CYP26C1: variants seen among roughly 807,000 people sequenced by gnomAD.
CYP26C1 encodes the protein cytochrome P450 26C1.
In CYP26C1, 41 loss-of-function variants were observed where a neutral mutation model predicts 39.1. That is an observed-to-expected ratio of 1.05 (90% confidence interval 0.82 to 1.36). The LOEUF is 1.36. Ranked by LOEUF, CYP26C1 falls within the 40% of genes most tolerant of loss-of-function variation. The pLI is 0.00. For missense variants in CYP26C1, 833 were observed against 752.0 expected (o/e 1.11, Z -1.26); for synonymous variants, 362 against 350.8 (o/e 1.03, Z -0.36).
intron 4 of CYP26C1, chr10:93,064,752 G>A (rs1032060725): frequency 7.8e-7 from 1 of 1,280,292 alleles, no homozygotes; most frequent in African/African-American, 1.5e-5. Context: ...TTGTCAGTAG[G>A]AGAACTGAAG....
chr10:93,066,428 C>G (rs1846830448), intron 5 of CYP26C1, 143 bp downstream of exon 5: 2 of 773,490 alleles, frequency 2.6e-6, no homozygotes, highest in Non-Finnish European at 3.5e-6. Context: ...GCCCTCAGAG[C>G]CTCAGCCTTC....
chr10:93,061,276 G>T lies in CYP26C1; in HGVS notation c.13G>T (p.Gly5Trp). 6.3e-7 allele frequency: 1 copy of T among 1,585,162 alleles called. No individual in the cohort carries two copies. The highest frequency in any genetic ancestry group is 8.6e-7 in the Non-Finnish European group (1 of 1,167,582). ...CCGCGGGCTCATCATGTTCCCTTGG[G>T]GGCTGAGCTGCCTGTCAGTGCTGGG... is the stretch of plus-strand genomic sequence containing the variant. MFPW[G>W]LSCLSVLGAA... Residue 5 changes from glycine to tryptophan, a missense_variant, in exon 1 of 6, where the codon GGG becomes TGG. By Grantham distance (184) the Gly-to-Trp change is radical (BLOSUM62 -2). Transcript: ENST00000651965.
chr10:93,061,461 A>G lies in CYP26C1; in HGVS notation c.198A>G (p.Leu66=). The G allele has an allele frequency of 1.3e-6, 2 of 1,550,338 alleles. No individual in the cohort carries two copies. The highest frequency in any genetic ancestry group is 1.7e-6 in the Non-Finnish European group (2 of 1,147,510). ...WPFFGETLHW[L]VQGSRFHSSR... ...TCTTCGGCGAAACGCTGCACTGGTT[A>G]GTTCAGGTGAGCAGTCCTTCGACCC... Residue 66 remains leucine, a synonymous_variant, in exon 1 of 6, where the codon TTA becomes TTG. Coordinates refer to ENST00000651965, the MANE Select transcript of CYP26C1 (RefSeq NM_183374.3).
rs1419619774 is a variant in CYP26C1 at position 93,068,746 on chromosome 10, G to A, written c.*49G>A. ...CTTGGCCGGTGGCTATGGCGCGCAC[G>A]CAGCGCCACCCATCTGCCGCTCCCC... On this transcript the variant is annotated 3_prime_UTR_variant, in exon 6 of 6. Coordinates refer to ENST00000651965, the MANE Select transcript of CYP26C1 (RefSeq NM_183374.3). The A allele has an allele frequency of 6.8e-7, 1 of 1,463,480 alleles. No homozygotes were observed. The highest frequency in any genetic ancestry group is 9.0e-7 in the Non-Finnish European group (1 of 1,109,084). The allele number at this position is 1,463,480 out of a possible 1,614,324, so 90.7% of individuals were successfully genotyped here.
chr10:93,066,480 TCCCCCG>T (rs1286635586), intron 5 of CYP26C1, among the ~76,000 whole-genome samples, 195 bp downstream of exon 5: 1 of 151,970 alleles, frequency 6.6e-6, no homozygotes, highest in Non-Finnish European at 1.5e-5. Flanking sequence ...CCTCCCCGGA[TCCCCCG>T]CTGAGGGACG....
At position 93,061,541 on chromosome 10, in the gene CYP26C1, T is replaced by TGGCTA. The variant is rs1343345188; in HGVS notation, c.204+74_204+75insGGCTA. 1.3e-5 allele frequency: 19 copies of TGGCTA among 1,502,704 alleles called. No homozygotes were observed. The Admixed American group carries it at 3.7e-4, about 29-fold the overall frequency. The allele number at this position is 1,502,704 out of a possible 1,614,324, so 93.1% of individuals were successfully genotyped here. Reference sequence around the variant, plus strand: ...GGCTCCCACTGGACCCTCCTCAGTCTCAATGCCCATGGGATTTGTAGCCAG... The same window carrying TGGCTA: ...GGCTCCCACTGGACCCTCCTCAGTCTGGCTACAATGCCCATGGGATTTGTAGCCAG... On this transcript the variant is annotated intron_variant, in intron 1 of 5. Transcript: ENST00000651965.
At chr10:93,063,242 G>A in intron 3 of CYP26C1, 6 of 1,242,688 alleles carry the variant, frequency 4.8e-6, no homozygotes, top group Admixed American at 4.3e-5. Flanking sequence ...CGCCTGCCGC[G>A]ACGCGCTCCA....
In CYP26C1 at chr10:93,068,398, C is replaced by A; in HGVS notation, c.1270C>A (p.Pro424Thr). 1 of 1,607,506 alleles carries A rather than the reference C, an allele frequency of 6.2e-7. No homozygotes were observed. Among genetic ancestry groups the A allele is most frequent in the South Asian group, 1.1e-5 (1 of 90,522 alleles). The part of the protein sequence containing the change: ...THETAAVYRS[P>T]PEGFDPERFG... The stretch of plus-strand genomic sequence containing the variant: ...CGAGACGGCTGCGGTGTACCGCAGC[C>A]CTCCCGAAGGCTTCGATCCAGAGCG... Residue 424 changes from proline (P) to threonine (T), a missense_variant, in exon 6 of 6, where the codon CCT (proline) becomes ACT (threonine). By Grantham distance (38) the Pro-to-Thr change is conservative. Coordinates refer to ENST00000651965, the MANE Select transcript of CYP26C1 (RefSeq NM_183374.3).
At chr10:93,067,202 C>T (rs1048342557) in intron 5 of CYP26C1, among the ~76,000 whole-genome samples, 3 of 152,228 alleles carry the variant, frequency 2.0e-5, no homozygotes, top group Non-Finnish European at 4.4e-5. Context: ...AGGAAGGGGG[C>T]CGGGACTGAC....
At chr10:93,061,575 C>T (rs1564950926) in intron 1 of CYP26C1, 108 bp downstream of exon 1, 1 of 1,373,304 alleles carries the variant, frequency 7.3e-7, no homozygotes, top group Non-Finnish European at 1.0e-6. Flanking sequence ...AGTCCCTGCC[C>T]ATCGCCCACG....
intron 4 of CYP26C1, 98 bp downstream of exon 4, chr10:93,064,634 A>G: frequency 1.3e-6 from 2 of 1,512,140 alleles, no homozygotes; most frequent in East Asian, 2.3e-5. Context: ...GTGTGGCCCC[A>G]CTTTGAGGCA....
chr10:93,062,812 G>A lies in CYP26C1; in HGVS notation c.522G>A (p.Ala174=), dbSNP rs1408332340. ...GGCATGAGGTGCGCTCCTGGTGCGC[G>A]GCGGGCGGGCCGGTCTCAGTCTACG... ...ALRHEVRSWC[A]AGGPVSVYDA... is the part of the protein sequence containing the mutation. Residue 174 remains alanine, a synonymous_variant, in exon 3 of 6, where the codon GCG becomes GCA. Coordinates refer to ENST00000651965, the MANE Select transcript of CYP26C1 (RefSeq NM_183374.3). 6.4e-7 allele frequency: 1 copy of A among 1,556,718 alleles called. No individual in the cohort carries two copies. Among genetic ancestry groups the A allele is most frequent in the Non-Finnish European group, 8.6e-7 (1 of 1,157,846 alleles).
At chr10:93,064,150 T>C in intron 3 of CYP26C1, 1 of 1,296,664 alleles carries the variant, frequency 7.7e-7, no homozygotes, top group Non-Finnish European at 1.0e-6. Flanking sequence ...GTAACTCTGC[T>C]GTGGCTCAGA....
At chr10:93,063,628 C>T in intron 3 of CYP26C1, 1 of 985,530 alleles carries the variant, frequency 1.0e-6, no homozygotes, top group Non-Finnish European at 1.2e-6. Context: ...GGTTTTCAGT[C>T]ACCTGCATAA....
In CYP26C1 at chr10:93,068,367, C is replaced by A; in HGVS notation, c.1239C>A (p.Asp413Glu). ...KGWSVMYSIRDTHETAAVYRS... is the reference protein window; with the variant it reads ...KGWSVMYSIRETHETAAVYRS... ...GGAGCGTGATGTATAGCATCCGGGA[C>A]ACGCACGAGACGGCTGCGGTGTACC... is the stretch of plus-strand genomic sequence containing the variant. The change falls in exon 6 of 6, where the codon GAC (aspartate) becomes GAA (glutamate). Residue 413 changes from aspartate (D) to glutamate (E), a missense_variant. Physicochemically the swap from Asp to Glu is conservative, Grantham distance 45. Coordinates refer to ENST00000651965, the MANE Select transcript of CYP26C1 (RefSeq NM_183374.3). 6.4e-7 allele frequency: 1 copy of A among 1,570,202 alleles called. No homozygotes were observed. Among genetic ancestry groups the A allele is most frequent in the South Asian group, 1.2e-5 (1 of 84,852 alleles).
chr10:93,062,384 C>A (rs962235551), intron 2 of CYP26C1, 150 bp downstream of exon 2: 1 of 758,010 alleles, frequency 1.3e-6, no homozygotes, highest in Non-Finnish European at 2.1e-6. Context: ...GGGTCCGTTA[C>A]CTTCAGCTTC....
intron 1 of CYP26C1, 144 bp from the exon 2 acceptor site, chr10:93,061,866 G>C: frequency 1.3e-6 from 1 of 745,026 alleles, no homozygotes; most frequent in Non-Finnish European, 2.2e-6. Context: ...CCGTAGAGTA[G>C]ATACCAGGCC....
Position 93,066,121 on chromosome 10 carries a change from G to T in CYP26C1, c.1027G>T (p.Gly343Trp). ...RACGCAPGAA[G>W]GSEGPPPDCG... ...GTGCGGCTGCGCGCCCGGGGCCGCT[G>T]GGGGCAGCGAGGGGCCCCCGCCCGA... The change falls in exon 5 of 6, where the codon GGG becomes TGG. Residue 343 changes from glycine to tryptophan, a missense_variant. By Grantham distance (184) the Gly-to-Trp change is radical. Coordinates refer to ENST00000651965, the MANE Select transcript of CYP26C1 (RefSeq NM_183374.3). The T allele has an allele frequency of 7.5e-7, 1 of 1,328,382 alleles. No homozygotes were observed. The highest frequency in any genetic ancestry group is 3.1e-5 in the East Asian group (1 of 32,504). The allele number at this position is 1,328,382 out of a possible 1,614,324, so 82.3% of individuals were successfully genotyped here.
chr10:93,063,223 C>T lies in CYP26C1; in HGVS notation c.705+228C>T, dbSNP rs1363283786. 3.2e-6 allele frequency: 4 copies of T among 1,250,488 alleles called. No individual in the cohort carries two copies. The African/African-American group carries it at 6.2e-5, about 20-fold the overall frequency. 77.5% of individuals were successfully genotyped at this position (1,250,488 alleles called of 1,614,324 possible). ...GACCTGGGGCTGGCCACACGACCTC[C>T]GTGGGACGCGCCTGCCGCGACGCGC... On this transcript the variant is annotated intron_variant, in intron 3 of 5. Transcript: ENST00000651965.
Sources: allele counts gnomAD v4.1 joint callset (sites outside exome capture counted in the v4.1 genomes callset), GRCh38; gene constraint gnomAD v4.1.1; transcripts MANE v1.5; gene names NCBI Gene and HGNC (gene_info 2026-07-23, HGNC 2026-07-21).